PTPRN2: variants seen among roughly 807,000 people sequenced by gnomAD.
The protein encoded by PTPRN2 is receptor-type tyrosine-protein phosphatase N2.
PTPRN2 carries 74 observed loss-of-function variants against 118.8 expected under a neutral mutation model. The ratio of observed to expected loss-of-function variants is 0.62; its 90% confidence interval spans 0.52 to 0.76. The LOEUF (loss-of-function observed/expected upper bound fraction) is 0.76, where lower values mean the gene tolerates loss of function less well. PTPRN2 is among the 30% of genes least tolerant of loss of function. PTPRN2 has a pLI of 0.00. For missense variants in PTPRN2, 1,481 were observed against 1,394.4 expected, an observed-to-expected ratio of 1.06 and a Z score of -0.99; for synonymous variants, 641 against 608.0, an observed-to-expected ratio of 1.05 and a Z score of -0.80.
At chr7:158,310,674 CCGGACAGAGCGCAAG>C (rs1344532160) in intron 3 of PTPRN2, among the ~76,000 whole-genome samples, 10 of 151,932 alleles carry the variant, frequency 6.6e-5, no homozygotes, top group Admixed American at 6.5e-5. Flanking sequence ...GAGCCCTGAG[CCGGACAGAGCGCAAG>C]TCCCACGGAG....
intron 2 of PTPRN2, among the ~76,000 whole-genome samples, chr7:158,440,903 C>T (rs199523088): frequency 0.025 from 2,055 of 82,066 alleles, 33 homozygotes; most frequent in Middle Eastern, 0.028. Context: ...GTGGTGGTGA[C>T]GGTGATGATG....
At chr7:158,329,828 C>G (rs1262319188) in intron 2 of PTPRN2, among the ~76,000 whole-genome samples, 1 of 152,154 alleles carries the variant, frequency 6.6e-6, no homozygotes, top group Admixed American at 6.5e-5. Flanking sequence ...AGGCTGTGTC[C>G]TCTACGGAGA....
rs1031863176 is a variant in PTPRN2, at chr7:157,784,527, G to C, written c.1789-101590C>G. The stretch of plus-strand genomic sequence containing the variant: ...CACCTCAGCCTCAGCCTCAGCGCTG[G>C]AGAGAAAGCCCTATCCCGCTCGGCC... On this transcript the variant is annotated intron_variant, in intron 12 of 22. Coordinates refer to ENST00000389418, the MANE Select transcript of PTPRN2 (RefSeq NM_002847.5). This position sits in a 1 kb window ranked among gnomAD's most constrained non-coding sequence, Gnocchi z 4.6. Among the ~76,000 whole-genome samples, 2 of 152,194 alleles carry C rather than the reference G, an allele frequency of 1.3e-5. No homozygotes were observed. The highest frequency in any genetic ancestry group is 4.8e-5 in the African/African-American group (2 of 41,450).
chr7:158,230,379 G>T (rs1399032438), intron 3 of PTPRN2, among the ~76,000 whole-genome samples: 3 of 152,096 alleles, frequency 2.0e-5, no homozygotes, highest in Non-Finnish European at 4.4e-5. Context: ...TGTAATTGTG[G>T]GGTGCAATCC....
intron 12 of PTPRN2, among the ~76,000 whole-genome samples, chr7:157,760,676 C>T (rs940456274): frequency 5.3e-5 from 8 of 152,152 alleles, no homozygotes; most frequent in Non-Finnish European, 1.0e-4. Context: ...CCACTGACAC[C>T]TGCTGGGGTA....
In PTPRN2 at chr7:158,360,024, C is replaced by A. The variant is rs965619192; in HGVS notation, c.164-43092G>T. ...GACGCTGCATCCTTCCTCACCCAGA[C>A]AACCCACAGATCCCAAGTCCACCCA... is the stretch of plus-strand genomic sequence containing the variant. On this transcript the variant is annotated intron_variant, in intron 2 of 22. Transcript: ENST00000389418. 1.3e-5 allele frequency among the ~76,000 whole-genome samples: 2 copies of A among 151,628 alleles called. 1 individual carries two copies. Among genetic ancestry groups the A allele is most frequent in the African/African-American group, 4.9e-5 (2 of 41,176 alleles).
intron 2 of PTPRN2, among the ~76,000 whole-genome samples, chr7:158,333,774 ACT>A (rs1453782660): frequency 6.9e-6 from 1 of 145,856 alleles, no homozygotes; most frequent in African/African-American, 2.6e-5. Context: ...CGCAGACATC[ACT>A]CACACACACA....
chr7:158,048,788 C>T (rs1322598896), intron 11 of PTPRN2, among the ~76,000 whole-genome samples: 1 of 32,038 alleles, frequency 3.1e-5, no homozygotes, highest in African/African-American at 1.2e-4. Context: ...ACTATCATCC[C>T]ACCACTACCA....
intron 12 of PTPRN2, among the ~76,000 whole-genome samples, chr7:157,799,675 C>A (rs952894503): frequency 3.3e-5 from 5 of 152,136 alleles, no homozygotes; most frequent in Admixed American, 2.6e-4. Context: ...ACATCCCTCT[C>A]CCTCTGGAAA....
At chr7:158,587,512 C>T in intron 1 of PTPRN2, 46 bp downstream of exon 1, 1 of 1,185,440 alleles carries the variant, frequency 8.4e-7, no homozygotes, top group Non-Finnish European at 1.0e-6. Flanking sequence ...CACAACGCCC[C>T]CAACTAATTC....
rs2128861625 is a variant in PTPRN2, at chr7:158,003,254, A to G, written c.1723+78044T>C. On this transcript the variant is annotated intron_variant, in intron 11 of 22. Coordinates refer to ENST00000389418, the MANE Select transcript of PTPRN2 (RefSeq NM_002847.5). The surrounding 1 kb of genome is among the most constrained non-coding windows in gnomAD (Gnocchi z 5.0). Reference sequence around the variant, plus strand: ...ACGGTGAAACCCCGTTTCTACTAAAAATACAAAAAATTAGCCGGGCGTGTT... The same window carrying G: ...ACGGTGAAACCCCGTTTCTACTAAAGATACAAAAAATTAGCCGGGCGTGTT... Among the ~76,000 whole-genome samples, 1 of 151,844 alleles carries G rather than the reference A, an allele frequency of 6.6e-6. No homozygotes were observed. Among genetic ancestry groups the G allele is most frequent in the East Asian group, 1.9e-4 (1 of 5,146 alleles).
At chr7:158,289,025 T>C (rs1261089649) in intron 3 of PTPRN2, among the ~76,000 whole-genome samples, 1 of 152,214 alleles carries the variant, frequency 6.6e-6, no homozygotes, top group Non-Finnish European at 1.5e-5. Context: ...GGGTTTCTGC[T>C]GAGAAGTCTG....
intron 2 of PTPRN2, among the ~76,000 whole-genome samples, chr7:158,385,370 A>C (rs1472666474): frequency 1.3e-5 from 2 of 152,210 alleles, no homozygotes; most frequent in Non-Finnish European, 2.9e-5. Flanking sequence ...TTTTGAAAGG[A>C]TTTGAAGAAA....
At chr7:158,034,234 C>T (rs1807925417) in intron 11 of PTPRN2, among the ~76,000 whole-genome samples, 1 of 147,662 alleles carries the variant, frequency 6.8e-6, no homozygotes, top group African/African-American at 2.6e-5. Flanking sequence ...TCAATAGAAA[C>T]TCTGCATGCT....
chr7:157,783,385 C>G (rs77323548), intron 12 of PTPRN2, among the ~76,000 whole-genome samples: 4,396 of 151,640 alleles, frequency 0.029, 220 homozygotes, highest in African/African-American at 0.1. Flanking sequence ...CACCACACAG[C>G]CTGGGACATA....
At chr7:157,555,990 C>T (rs186388064) in intron 21 of PTPRN2, among the ~76,000 whole-genome samples, 1 of 152,184 alleles carries the variant, frequency 6.6e-6, no homozygotes, top group African/African-American at 2.4e-5. Flanking sequence ...GGCACAGACA[C>T]CCCATCTTTC....
chr7:158,101,452 T>C (rs181331619), intron 10 of PTPRN2, among the ~76,000 whole-genome samples: 117 of 152,294 alleles, frequency 7.7e-4, no homozygotes, highest in African/African-American at 2.6e-3. Flanking sequence ...CTTCCAGACA[T>C]TGGCTTAGGC....
At chr7:158,100,521 G>A (rs902307795) in intron 10 of PTPRN2, among the ~76,000 whole-genome samples, 2 of 152,212 alleles carry the variant, frequency 1.3e-5, no homozygotes, top group Non-Finnish European at 2.9e-5. Flanking sequence ...CCCACCAGCA[G>A]TGTAGAAGTG....
At chr7:157,692,385 AG>A (rs1322387641) in intron 12 of PTPRN2, among the ~76,000 whole-genome samples, 2 of 152,144 alleles carry the variant, frequency 1.3e-5, no homozygotes, top group African/African-American at 4.8e-5. Flanking sequence ...CTCGGTGCAG[AG>A]GGCCTTGCCT....
Sources: gnomAD v4.1 joint callset for allele counts (sites outside exome capture counted in the v4.1 genomes callset) on GRCh38, gnomAD v4.1.1 for gene constraint, Gnocchi (gnomAD v3.1) non-coding constraint, MANE v1.5 for transcripts, NCBI Gene and HGNC (gene_info 2026-07-23, HGNC 2026-07-21) for gene names.